Variants in BDKRB2 observed in about 807,000 individuals in gnomAD.
BDKRB2 encodes B2 bradykinin receptor.
A neutral mutation model predicts 4.0 loss-of-function variants in BDKRB2; 6 were observed. The observed-to-expected ratio is 1.49, with a 90% CI of 0.81 to 2.93. The LOEUF (loss-of-function observed/expected upper bound fraction) is 2.93, where lower values mean the gene tolerates loss of function less well. BDKRB2 is among the 30% of genes most tolerant of loss of function. BDKRB2 has a pLI of 0.00. For synonymous variants in BDKRB2, 225 were observed against 215.3 expected (o/e 1.05, Z -0.40); for missense variants, 478 against 520.1 (o/e 0.92, Z 0.79).
At chr14:96,216,490 G>A (rs1890419169) in intron 1 of BDKRB2, among the ~76,000 whole-genome samples, 1 of 151,934 alleles carries the variant, frequency 6.6e-6, no homozygotes, top group African/African-American at 2.4e-5. Flanking sequence ...GAGCTGTGGT[G>A]GCAGGAGCTG....
At chr14:96,206,777 T>A (rs1890191402) in intron 1 of BDKRB2, among the ~76,000 whole-genome samples, 1 of 151,954 alleles carries the variant, frequency 6.6e-6, no homozygotes. Flanking sequence ...CCTGCAGATT[T>A]GCCCAGTGTC....
chr14:96,240,455 GCC>G lies in BDKRB2; in HGVS notation c.129_130del (p.Gln44GlufsTer160). 6.6e-7 allele frequency: 1 copy of G among 1,509,234 alleles called. No individual in the cohort carries two copies. The highest frequency in any genetic ancestry group is 8.8e-7 in the Non-Finnish European group (1 of 1,130,358). 93.5% of individuals were successfully genotyped at this position (1,509,234 alleles called of 1,614,324 possible). On this transcript the variant is annotated frameshift_variant, in exon 3 of 3. Coordinates refer to ENST00000554311, the MANE Select transcript of BDKRB2 (RefSeq NM_001379692.1). LOFTEE classifies it low-confidence loss of function (END_TRUNC). The stretch of plus-strand genomic sequence containing the variant: ...AGGGCCCACTCTTAACGGGACCTTT[GCC>G]CAGAGCAAATGCCCCCAAGTGGAGT... Reference protein sequence around the residue: ...LQGPTLNGTFAQSKCPQVEWL... With the variant: ...LQGPTLNGTFXQSKCPQVEWL...
At chr14:96,237,528 CA>C (rs1345885627) in intron 2 of BDKRB2, among the ~76,000 whole-genome samples, 1 of 152,090 alleles carries the variant, frequency 6.6e-6, no homozygotes, top group Non-Finnish European at 1.5e-5. Flanking sequence ...GCCTTGGAGA[CA>C]AAATATCTCC....
Position 96,241,040 on chromosome 14 carries a change from A to G in BDKRB2, c.712A>G (p.Ser238Gly). The G allele has an allele frequency of 6.2e-7, 1 of 1,610,364 alleles. No homozygotes were observed. Among genetic ancestry groups the G allele is most frequent in the Non-Finnish European group, 8.5e-7 (1 of 1,176,936 alleles). Residue 238 changes from serine (S) to glycine (G), a missense_variant, in exon 3 of 3, where the codon AGT becomes GGT. Physicochemically the swap from Ser to Gly is moderately conservative, Grantham distance 56. Coordinates refer to ENST00000554311, the MANE Select transcript of BDKRB2 (RefSeq NM_001379692.1). ...TGTCGTGGGCTTCCTGCTGCCCCTG[A>G]GTGTCATCACCTTCTGCACGATGCA... ...LNVVGFLLPL[S>G]VITFCTMQIM...
At chr14:96,229,953 C>T (rs1890779247) in intron 1 of BDKRB2, among the ~76,000 whole-genome samples, 1 of 151,592 alleles carries the variant, frequency 6.6e-6, no homozygotes, top group Non-Finnish European at 1.5e-5. Context: ...ACGGTGAAAC[C>T]CTGTCTCTTC....
At chr14:96,226,955 G>C (rs2139784687) in intron 1 of BDKRB2, among the ~76,000 whole-genome samples, 1 of 152,352 alleles carries the variant, frequency 6.6e-6, no homozygotes, top group South Asian at 2.1e-4. Context: ...GTGTCCGAGA[G>C]GGCTACAGCC....
At chr14:96,239,131 C>T (rs1885194802) in intron 2 of BDKRB2, 1 of 985,368 alleles carries the variant, frequency 1.0e-6, no homozygotes, top group Admixed American at 6.2e-5. Flanking sequence ...GTGGACCTTC[C>T]AGAAAGAGCC....
At chr14:96,240,376 A>G in intron 2 of BDKRB2, 27 bp from the exon 3 acceptor site, 4 of 1,422,522 alleles carry the variant, frequency 2.8e-6, no homozygotes, top group Non-Finnish European at 3.7e-6. Context: ...CCTGAGGGGT[A>G]ACAGCCTCTT....
At chr14:96,227,807 A>G (rs901288827) in intron 1 of BDKRB2, among the ~76,000 whole-genome samples, 4 of 152,256 alleles carry the variant, frequency 2.6e-5, no homozygotes, top group Non-Finnish European at 5.9e-5. Context: ...CAAGATTGCG[A>G]GACAGATTTC....
intron 1 of BDKRB2, among the ~76,000 whole-genome samples, chr14:96,211,850 G>A (rs926123491): frequency 6.6e-5 from 10 of 152,146 alleles, no homozygotes; most frequent in South Asian, 2.1e-4. Context: ...TGCGAAGGCC[G>A]GTGCATTACA....
chr14:96,224,920 G>A (rs542376502), intron 1 of BDKRB2, among the ~76,000 whole-genome samples: 3 of 152,310 alleles, frequency 2.0e-5, no homozygotes, highest in South Asian at 2.1e-4. Flanking sequence ...TGAGATGGGC[G>A]AGACTGTGAG....
Position 96,240,781 on chromosome 14 carries a change from G to A in BDKRB2, c.453G>A (p.Val151=), listed in dbSNP as rs747103685. ...GCAGCATCTGTTTCCTGATGCTGGT[G>A]AGCATCGACCGCTACCTGGCCCTGG... ...LYSSICFLML[V]SIDRYLALVK... is the part of the protein sequence containing the mutation. Residue 151 remains valine, a synonymous_variant, in exon 3 of 3, where the codon GTG becomes GTA. Coordinates refer to ENST00000554311, the MANE Select transcript of BDKRB2 (RefSeq NM_001379692.1). 3.8e-6 allele frequency: 6 copies of A among 1,559,460 alleles called. No homozygotes were observed. Among genetic ancestry groups the A allele is most frequent in the African/African-American group, 2.7e-5 (2 of 73,276 alleles).
At chr14:96,216,948 G>C (rs1270876467) in intron 1 of BDKRB2, among the ~76,000 whole-genome samples, 2 of 152,208 alleles carry the variant, frequency 1.3e-5, no homozygotes, top group African/African-American at 2.4e-5. Flanking sequence ...GGAGTGAGGG[G>C]CTGTGGCATT....
At chr14:96,226,228 C>A (rs182934720) in intron 1 of BDKRB2, among the ~76,000 whole-genome samples, 12 of 152,294 alleles carry the variant, frequency 7.9e-5, no homozygotes, top group East Asian at 3.9e-4. Flanking sequence ...TTGATGTAAG[C>A]TCCCCACTCT....
chr14:96,228,280 G>C (rs561565282), intron 1 of BDKRB2, among the ~76,000 whole-genome samples: 41 of 152,358 alleles, frequency 2.7e-4, no homozygotes, highest in Non-Finnish European at 5.1e-4. Flanking sequence ...TCTTTTAGAA[G>C]TTGCCATTCA....
At chr14:96,206,348 T>C (rs999421032) in intron 1 of BDKRB2, among the ~76,000 whole-genome samples, 2 of 152,154 alleles carry the variant, frequency 1.3e-5, no homozygotes, top group African/African-American at 4.8e-5. Flanking sequence ...AGCCTCTCAC[T>C]GCACTGATGA....
intron 1 of BDKRB2, among the ~76,000 whole-genome samples, chr14:96,225,747 T>TTTCTCTGTGACCTACCAGTTAGGG (rs1890681725): frequency 1.3e-5 from 2 of 152,186 alleles, no homozygotes; most frequent in Non-Finnish European, 2.9e-5. Flanking sequence ...AGGATTCCTT[T>TTTCTCTGTGACCTACCAGTTAGGG]TTCTCTGTGA....
intron 1 of BDKRB2, among the ~76,000 whole-genome samples, chr14:96,211,568 A>G (rs1390432615): frequency 6.6e-6 from 1 of 152,200 alleles, no homozygotes; most frequent in Middle Eastern, 3.2e-3. Context: ...TGATAGCCAA[A>G]AGTAGTGAAA....
chr14:96,223,311 G>A, intron 1 of BDKRB2: 3 of 1,069,096 alleles, frequency 2.8e-6, no homozygotes, highest in Non-Finnish European at 4.4e-6. Flanking sequence ...ACATCTTGCT[G>A]TTCCGGCGCC....
Sources: allele counts gnomAD v4.1 joint callset (sites outside exome capture counted in the v4.1 genomes callset), GRCh38; gene constraint gnomAD v4.1.1; transcripts MANE v1.5; gene names NCBI Gene and HGNC (gene_info 2026-07-23, HGNC 2026-07-21).